The following CEBPZ variants were observed in gnomAD, a reference collection of about 807,000 sequenced individuals.
CEBPZ encodes the protein CCAAT/enhancer-binding protein zeta.
In CEBPZ, 78 loss-of-function variants were observed where a neutral mutation model predicts 104.5. The observed-to-expected ratio is 0.75, with a 90% CI of 0.62 to 0.90. The LOEUF is 0.90. CEBPZ is among the 40% of genes least tolerant of loss of function. The probability of loss-of-function intolerance (pLI) is 0.00; values close to 1 mark genes in which losing one functional copy is unlikely to be tolerated. For synonymous variants in CEBPZ, 470 were observed against 427.0 expected (o/e 1.10, Z -1.24); for missense variants, 1,439 against 1,233.5 (o/e 1.17, Z -2.50).
chr2:37,207,029 A>G (rs986885385), intron 13 of CEBPZ, among the ~76,000 whole-genome samples: 1 of 152,230 alleles, frequency 6.6e-6, no homozygotes, highest in African/African-American at 2.4e-5. Flanking sequence ...AACAGACTTT[A>G]AAGCAACAAC....
In CEBPZ at chr2:37,228,241, A is replaced by G. The variant is rs1209623976; in HGVS notation, c.952T>C (p.Leu318=). The change falls in exon 2 of 16, where the codon TTG becomes CTG. Residue 318 remains leucine (L), a synonymous_variant. Transcript: ENST00000234170. ...SQRPFDKLEQ[L]SSGNKDSRDR... is the part of the protein sequence containing the mutation. ...CTTGAGTCCTTGTTGCCACTGGACA[A>G]CTGTTCCAGTTTGTCAAAAGGACGC... The G allele has an allele frequency of 6.2e-7, 1 of 1,614,096 alleles. No homozygotes were observed. Among genetic ancestry groups the G allele is most frequent in the African/African-American group, 1.3e-5 (1 of 74,936 alleles).
intron 2 of CEBPZ, among the ~76,000 whole-genome samples, chr2:37,225,458 C>T (rs965187105): frequency 6.8e-5 from 10 of 147,794 alleles, no homozygotes; most frequent in Non-Finnish European, 1.3e-4. Flanking sequence ...CCCCCAACCC[C>T]GTGCTCTCTG....
intron 2 of CEBPZ, among the ~76,000 whole-genome samples, chr2:37,224,834 A>G (rs1664845944): frequency 6.6e-6 from 1 of 152,220 alleles, no homozygotes; most frequent in Non-Finnish European, 1.5e-5. Flanking sequence ...AAGAAGGCCT[A>G]AAGGCCTGTT....
In CEBPZ at chr2:37,213,947, A is replaced by G; in HGVS notation, c.2462T>C (p.Val821Ala). The change falls in exon 10 of 16, where the codon GTT becomes GCT. Residue 821 changes from valine to alanine, a missense_variant. By Grantham distance (64) the Val-to-Ala change is moderately conservative. Transcript: ENST00000234170. ...EVFFHRYYKK[V>A]AVKEKQKRDA... is the part of the protein sequence containing the mutation. ...CCGTTTTTGTTTCTCTTTAACAGCA[A>G]CTTTTTTATAATACCTATAATATTC... 1 of 1,555,810 alleles carries G rather than the reference A, an allele frequency of 6.4e-7. No individual in the cohort carries two copies. The highest frequency in any genetic ancestry group is 8.7e-7 in the Non-Finnish European group (1 of 1,149,044).
At chr2:37,207,176 A>G (rs772533669) in intron 13 of CEBPZ, among the ~76,000 whole-genome samples, 1 of 152,240 alleles carries the variant, frequency 6.6e-6, no homozygotes, top group African/African-American at 2.4e-5. Flanking sequence ...GACCTAAGAA[A>G]TTAGACAGAT....
At chr2:37,220,083 C>G (rs994191788) in intron 5 of CEBPZ, among the ~76,000 whole-genome samples, 10 of 152,136 alleles carry the variant, frequency 6.6e-5, no homozygotes, top group Admixed American at 2.0e-4. Context: ...CTTTGGGAGG[C>G]TGAGGCAGGC....
At chr2:37,214,623 A>G (rs1677825637) in intron 9 of CEBPZ, among the ~76,000 whole-genome samples, 1 of 152,210 alleles carries the variant, frequency 6.6e-6, no homozygotes, top group Admixed American at 6.5e-5. Context: ...ACTAAGATAT[A>G]TTAAGATTAG....
At chr2:37,212,097 T>A (rs1238747824) in intron 11 of CEBPZ, 58 bp from the exon 12 acceptor site, 5 of 1,436,540 alleles carry the variant, frequency 3.5e-6, no homozygotes, top group Non-Finnish European at 4.7e-6. Context: ...AAGTAGTGTT[T>A]TGCTGACTAC....
intron 8 of CEBPZ, among the ~76,000 whole-genome samples, chr2:37,215,782 A>C (rs993182028): frequency 2.6e-5 from 4 of 152,198 alleles, no homozygotes; most frequent in African/African-American, 9.7e-5. Context: ...AGAGAGCTTT[A>C]AGATGGTCTG....
At position 37,210,985 on chromosome 2, in the gene CEBPZ, A is replaced by T. The variant is rs927357877; in HGVS notation, c.2884+14T>A. ...GGACACTGCTTTTAAAAGATATTAA[A>T]TGTATTTTCTTACCTTGAAATGAGC... On this transcript the variant is annotated intron_variant, in intron 13 of 15. Transcript: ENST00000234170. 8.9e-6 allele frequency: 14 copies of T among 1,581,762 alleles called. No individual in the cohort carries two copies. The highest frequency in any genetic ancestry group is 1.4e-5 in the African/African-American group (1 of 74,004).
At chr2:37,217,162 C>T in intron 5 of CEBPZ, 125 bp from the exon 6 acceptor site, 1 of 708,682 alleles carries the variant, frequency 1.4e-6, no homozygotes, top group Non-Finnish European at 2.4e-6. Context: ...CTTTGGGAGG[C>T]TCAGGCAGGC....
At chr2:37,213,368 G>C (rs944051590) in intron 10 of CEBPZ, 3 of 152,698 alleles carry the variant, frequency 2.0e-5, no homozygotes, top group Admixed American at 1.3e-4. Flanking sequence ...GTATTTTTCT[G>C]GTGCAAATGT....
intron 2 of CEBPZ, 144 bp downstream of exon 2, chr2:37,227,400 C>A (rs1664912617): frequency 1.7e-6 from 1 of 605,104 alleles, no homozygotes; most frequent in African/African-American, 1.9e-5. Context: ...AAGTGACTTA[C>A]TTGAAGGTGG....
rs768774611 is a variant in CEBPZ, at chr2:37,212,036, G to A, written c.2607C>T (p.Asn869=). 5.7e-6 allele frequency: 9 copies of A among 1,572,096 alleles called. No homozygotes were observed. Among genetic ancestry groups the A allele is most frequent in the African/African-American group, 2.8e-5 (2 of 72,492 alleles). ...SGKDDMDFAG[N]VKKRTKGAKD... ...TAGCTCCTTTTGTTCTCTTTTTCAC[G>A]TTTCTGGAAAAAAACACAACTTGTA... Residue 869 remains asparagine (N), a synonymous_variant, in exon 12 of 16, where the codon AAC becomes AAT. Coordinates refer to ENST00000234170, the MANE Select transcript of CEBPZ (RefSeq NM_005760.3).
Position 37,228,680 on chromosome 2 carries a change from C to G in CEBPZ, c.513G>C (p.Glu171Asp). 6.2e-7 allele frequency: 1 copy of G among 1,614,156 alleles called. No homozygotes were observed. Among genetic ancestry groups the G allele is most frequent in the Non-Finnish European group, 8.5e-7 (1 of 1,180,034 alleles). Residue 171 changes from glutamate to aspartate, a missense_variant, in exon 2 of 16, where the codon GAG becomes GAC. Transcript: ENST00000234170. ...KDKQNIFEFFERQTLLLRPGG... is the reference protein window; with the variant it reads ...KDKQNIFEFFDRQTLLLRPGG... ...CAGGCCTAAGTAACAAAGTCTGTCT[C>G]TCAAAAAATTCAAAGATGTTCTGTT...
At chr2:37,212,246 T>C in intron 11 of CEBPZ, 89 bp downstream of exon 11, 1 of 1,200,952 alleles carries the variant, frequency 8.3e-7, no homozygotes, top group Non-Finnish European at 1.2e-6. Flanking sequence ...ATTTCCCCTT[T>C]ATCATATAGT....
chr2:37,227,910 A>C lies in CEBPZ; in HGVS notation c.1283T>G (p.Leu428Arg). The C allele has an allele frequency of 6.2e-7, 1 of 1,614,228 alleles. No homozygotes were observed. The highest frequency in any genetic ancestry group is 2.2e-5 in the East Asian group (1 of 44,892). Residue 428 changes from leucine (L) to arginine (R), a missense_variant, in exon 2 of 16, where the codon CTC (leucine) becomes CGC (arginine). Leu to Arg is a moderately radical substitution (Grantham distance 102). Coordinates refer to ENST00000234170, the MANE Select transcript of CEBPZ (RefSeq NM_005760.3). ...GVVSGEVERL[L>R]FRSNISSKAQ... Reference sequence around the variant, plus strand: ...TTTGGAGCTGATATTTGAGCGGAAGAGTAGCCTTTCTACTTCACCAGACAC... The same window carrying C: ...TTTGGAGCTGATATTTGAGCGGAAGCGTAGCCTTTCTACTTCACCAGACAC...
At chr2:37,209,811 T>A (rs1322585944) in intron 13 of CEBPZ, 1 of 152,090 alleles carries the variant, frequency 6.6e-6, no homozygotes, top group Non-Finnish European at 1.5e-5. Context: ...AGCGTCTGCA[T>A]AGCAAAATAA....
intron 15 of CEBPZ, 34 bp downstream of exon 15, chr2:37,202,750 T>A: frequency 7.5e-7 from 1 of 1,328,396 alleles, no homozygotes. Context: ...AAAGCTATTT[T>A]TAAAACATCA....
Sources: allele counts gnomAD v4.1 joint callset (sites outside exome capture counted in the v4.1 genomes callset), GRCh38; gene constraint gnomAD v4.1.1; transcripts MANE v1.5; gene names NCBI Gene and HGNC (gene_info 2026-07-23, HGNC 2026-07-21).